Variants in MACROD1 observed in about 807,000 individuals in gnomAD.
The protein encoded by MACROD1 is ADP-ribose glycohydrolase MACROD1.
A neutral mutation model predicts 41.4 loss-of-function variants in MACROD1; 31 were observed. The observed-to-expected ratio is 0.75, with a 90% CI of 0.56 to 1.01. MACROD1 has a LOEUF of 1.01. MACROD1 is among the 50% of genes least tolerant of loss of function. The pLI is 0.00. For synonymous variants in MACROD1, 252 were observed against 203.4 expected (o/e 1.24, Z -2.03); for missense variants, 473 against 460.0 (o/e 1.03, Z -0.26).
intron 3 of MACROD1, among the ~76,000 whole-genome samples, chr11:64,086,633 C>T (rs1263180320): frequency 6.6e-6 from 1 of 152,190 alleles, no homozygotes; most frequent in East Asian, 1.9e-4. Flanking sequence ...TGCAGCCCCA[C>T]TTCTGTCTGA....
intron 3 of MACROD1, among the ~76,000 whole-genome samples, chr11:64,084,590 T>C (rs1944360926): frequency 2.0e-5 from 3 of 152,124 alleles, no homozygotes; most frequent in Admixed American, 2.0e-4. Flanking sequence ...CTCTGTAAAA[T>C]GGGTGGACAG....
intron 3 of MACROD1, among the ~76,000 whole-genome samples, chr11:64,084,889 G>T (rs567683369): frequency 6.6e-6 from 1 of 152,238 alleles, no homozygotes; most frequent in Non-Finnish European, 1.5e-5. Context: ...CTGCGTGTGT[G>T]GGGGCTCTGC....
Position 63,998,880 on chromosome 11 carries a change from G to A in MACROD1, c.974-8C>T. The A allele has an allele frequency of 6.3e-7, 1 of 1,596,136 alleles. No individual in the cohort carries two copies. The highest frequency in any genetic ancestry group is 8.5e-7 in the Non-Finnish European group (1 of 1,172,922). On this transcript the variant is annotated splice_region_variant and splice_polypyrimidine_tract_variant and intron_variant, in intron 9 of 10. Transcript: ENST00000255681. The stretch of plus-strand genomic sequence containing the variant: ...GGCTGCGGGAGCCTCAGGCTGGAAG[G>A]CAGAGGACAGTGAGAGCCCGCCCCC...
intron 3 of MACROD1, among the ~76,000 whole-genome samples, chr11:64,031,169 T>C (rs540569607): frequency 6.6e-6 from 1 of 152,242 alleles, no homozygotes; most frequent in South Asian, 2.1e-4. Flanking sequence ...CTGACCTGCC[T>C]TGGGCCCCTC....
rs1034174681 is a variant in MACROD1 at position 64,046,727 on chromosome 11, G to T, written c.518-31446C>A. Among the ~76,000 whole-genome samples the T allele has an allele frequency of 5.6e-4, 50 of 88,496 alleles. 1 individual carries two copies. The highest frequency in any genetic ancestry group is 2.1e-3 in the African/African-American group (49 of 23,418). The allele number at this position is 88,496 out of a possible 152,430, so 58.1% of individuals were successfully genotyped here. A position where few individuals can be genotyped will look rare whatever the true frequency, so the allele number is the denominator to read the frequency against. ...TTGGTCAGGCTGGCCTTGAACTCCT[G>T]ACCTTGAGTAATCCGCCTGCCTCAA... On this transcript the variant is annotated intron_variant, in intron 3 of 10. Transcript: ENST00000255681.
At position 63,998,857 on chromosome 11, in the gene MACROD1, C is replaced by G; in HGVS notation, c.*11G>C. The G allele has an allele frequency of 6.3e-7, 1 of 1,590,250 alleles. No homozygotes were observed. On this transcript the variant is annotated 3_prime_UTR_variant, in exon 10 of 11. Transcript: ENST00000255681. ...GCTTACCAGTCCCGGTCAGGGTGGGCTGCGGGAGCCTCAGGCTGGAAGGCA... is the reference window on the plus strand; with the variant it reads ...GCTTACCAGTCCCGGTCAGGGTGGGGTGCGGGAGCCTCAGGCTGGAAGGCA...
intron 3 of MACROD1, among the ~76,000 whole-genome samples, chr11:64,062,606 G>A (rs1008188476): frequency 2.0e-5 from 3 of 150,908 alleles, no homozygotes; most frequent in African/African-American, 7.4e-5. Flanking sequence ...ACTGTCCTGG[G>A]CGCTGGGGAT....
At chr11:64,157,604 C>A (rs1403527227) in intron 1 of MACROD1, among the ~76,000 whole-genome samples, 1 of 152,112 alleles carries the variant, frequency 6.6e-6, no homozygotes, top group Non-Finnish European at 1.5e-5. Flanking sequence ...GAGGCCTGAC[C>A]CCAGACGAAG....
intron 3 of MACROD1, chr11:64,117,498 A>T: frequency 1.2e-6 from 2 of 1,610,840 alleles, no homozygotes; most frequent in Non-Finnish European, 1.7e-6. Context: ...TTCCCTGTTT[A>T]CCCTCAAGGC....
chr11:64,085,028 A>G (rs920817744), intron 3 of MACROD1, among the ~76,000 whole-genome samples: 5 of 152,316 alleles, frequency 3.3e-5, no homozygotes, highest in South Asian at 2.1e-4. Flanking sequence ...TATTATCCCC[A>G]TTTTACAGAT....
At chr11:64,080,705 G>A (rs1231114733) in intron 3 of MACROD1, among the ~76,000 whole-genome samples, 1 of 152,158 alleles carries the variant, frequency 6.6e-6, no homozygotes, top group East Asian at 1.9e-4. Context: ...TCAGACCCAG[G>A]ACCGGGGAAG....
chr11:64,104,617 G>A (rs949535999), intron 3 of MACROD1, among the ~76,000 whole-genome samples: 1 of 152,082 alleles, frequency 6.6e-6, no homozygotes, highest in Non-Finnish European at 1.5e-5. Context: ...GCCCTTGAAC[G>A]AGAGGGAGTC....
chr11:64,041,486 A>G (rs576632864), intron 3 of MACROD1, among the ~76,000 whole-genome samples: 272 of 151,092 alleles, frequency 1.8e-3, no homozygotes, highest in African/African-American at 6.1e-3. Flanking sequence ...GGGAGTGAGG[A>G]GGGTGCCCGG....
At chr11:64,077,267 C>T (rs1944219396) in intron 3 of MACROD1, among the ~76,000 whole-genome samples, 1 of 152,180 alleles carries the variant, frequency 6.6e-6, no homozygotes, top group African/African-American at 2.4e-5. Flanking sequence ...CAACAGGTAC[C>T]CCAGGCGGCC....
At chr11:64,145,070 AG>A (rs1372396487) in intron 3 of MACROD1, among the ~76,000 whole-genome samples, 12 of 152,312 alleles carry the variant, frequency 7.9e-5, no homozygotes, top group African/African-American at 2.9e-4. Flanking sequence ...GGAGAGGATG[AG>A]GCAGGGGCTG....
intron 3 of MACROD1, among the ~76,000 whole-genome samples, chr11:64,057,290 G>A (rs568006847): frequency 6.6e-6 from 1 of 152,248 alleles, no homozygotes; most frequent in Non-Finnish European, 1.5e-5. Context: ...CTGAGAGCAG[G>A]TGGGGTCCCT....
chr11:64,002,602 G>A (rs1942844418), intron 4 of MACROD1, among the ~76,000 whole-genome samples: 1 of 152,120 alleles, frequency 6.6e-6, no homozygotes, highest in Non-Finnish European at 1.5e-5. Context: ...CCTCTTGCCT[G>A]CGTGTCCCTC....
At chr11:64,046,050 T>C (rs1174889287) in intron 3 of MACROD1, among the ~76,000 whole-genome samples, 2 of 152,124 alleles carry the variant, frequency 1.3e-5, no homozygotes, top group Admixed American at 6.5e-5. Flanking sequence ...GATACTGTTA[T>C]TATTCCCTTT....
chr11:64,026,009 C>T (rs902993665), intron 3 of MACROD1, among the ~76,000 whole-genome samples: 3 of 152,178 alleles, frequency 2.0e-5, no homozygotes, highest in Non-Finnish European at 2.9e-5. Context: ...GGTGAAACCC[C>T]GTCTCTACTA....
Sources: gnomAD v4.1 joint callset for allele counts (sites outside exome capture counted in the v4.1 genomes callset) on GRCh38, gnomAD v4.1.1 for gene constraint, MANE v1.5 for transcripts, NCBI Gene and HGNC (gene_info 2026-07-23, HGNC 2026-07-21) for gene names.